CNTNAP2: variants seen among roughly 807,000 people sequenced by gnomAD.
CNTNAP2 encodes the protein contactin-associated protein-like 2.
In CNTNAP2, 98 loss-of-function variants were observed where a neutral mutation model predicts 155.2. That is an observed-to-expected ratio of 0.63 (90% CI 0.54 to 0.75). The LOEUF (loss-of-function observed/expected upper bound fraction) is 0.75, where lower values mean the gene tolerates loss of function less well. CNTNAP2 is among the 30% of genes least tolerant of loss of function. The pLI, the probability that CNTNAP2 is intolerant of heterozygous loss-of-function variation, is 0.00. For synonymous variants in CNTNAP2, 651 were observed against 631.2 expected, an observed-to-expected ratio of 1.03 and a Z score of -0.47; for missense variants, 1,727 against 1,688.1, an observed-to-expected ratio of 1.02 and a Z score of -0.40.
rs75635686 is a variant in CNTNAP2 at position 147,859,310 on chromosome 7, G to A, written c.2099-44255G>A. On this transcript the variant is annotated intron_variant, in intron 13 of 23. Coordinates refer to ENST00000361727, the MANE Select transcript of CNTNAP2 (RefSeq NM_014141.6). The stretch of plus-strand genomic sequence containing the variant: ...CATCTGTTATGTTACATAGTAATTT[G>A]TCATCTCATGAGATCACCAAGGAGA... Among the ~76,000 whole-genome samples the A allele has an allele frequency of 3.3e-5, 5 of 151,264 alleles. No homozygotes were observed. The East Asian group carries it at 9.9e-4, about 30-fold the overall frequency.
chr7:146,670,764 G>C (rs1391812476), intron 1 of CNTNAP2, among the ~76,000 whole-genome samples: 2 of 152,078 alleles, frequency 1.3e-5, no homozygotes, highest in East Asian at 3.9e-4. Flanking sequence ...CACAGCCAAG[G>C]GAAGGACTGG....
intron 1 of CNTNAP2, among the ~76,000 whole-genome samples, chr7:146,331,233 A>G (rs1055918877): frequency 4.7e-5 from 7 of 150,366 alleles, no homozygotes; most frequent in East Asian, 2.0e-4. Flanking sequence ...GAACCCGGGA[A>G]GCGGAGCTTG....
chr7:147,343,473 G>A (rs1162598965), intron 9 of CNTNAP2, among the ~76,000 whole-genome samples: 2 of 152,024 alleles, frequency 1.3e-5, no homozygotes, highest in African/African-American at 2.4e-5. Context: ...CTATCTTGGA[G>A]CCTCATTTTA....
intron 12 of CNTNAP2, among the ~76,000 whole-genome samples, chr7:147,575,829 A>G (rs2116817531): frequency 6.6e-6 from 1 of 152,102 alleles, no homozygotes; most frequent in South Asian, 2.1e-4. Context: ...AGGTAATATG[A>G]TAAATTCTTT....
At chr7:147,973,844 C>T (rs1430474043) in intron 14 of CNTNAP2, among the ~76,000 whole-genome samples, 3 of 152,108 alleles carry the variant, frequency 2.0e-5, no homozygotes, top group Non-Finnish European at 4.4e-5. Context: ...CTTTGTCTAG[C>T]TAAATTCTCT....
At chr7:146,746,967 G>A (rs1563214297) in intron 1 of CNTNAP2, among the ~76,000 whole-genome samples, 1 of 152,024 alleles carries the variant, frequency 6.6e-6, no homozygotes, top group Non-Finnish European at 1.5e-5. Context: ...ATAATCCCCA[G>A]AATTGAATTT....
intron 8 of CNTNAP2, among the ~76,000 whole-genome samples, chr7:147,193,105 T>G (rs993216390): frequency 2.6e-5 from 4 of 152,198 alleles, no homozygotes; most frequent in Non-Finnish European, 4.4e-5. Flanking sequence ...CACAATAATA[T>G]TAGTAGTTAA....
At chr7:148,118,377 C>G in intron 16 of CNTNAP2, 89 bp downstream of exon 16, 2 of 1,400,306 alleles carry the variant, frequency 1.4e-6, no homozygotes, top group East Asian at 4.7e-5. Flanking sequence ...CCTTTTGATT[C>G]AAACGTGGAA....
At chr7:147,991,244 A>G (rs1480934926) in intron 15 of CNTNAP2, among the ~76,000 whole-genome samples, 1 of 152,212 alleles carries the variant, frequency 6.6e-6, no homozygotes, top group Non-Finnish European at 1.5e-5. Context: ...AGTCTGTATC[A>G]TGGTGCCAAG....
chr7:146,485,476 G>T (rs965416127), intron 1 of CNTNAP2, among the ~76,000 whole-genome samples: 2 of 152,170 alleles, frequency 1.3e-5, no homozygotes, highest in African/African-American at 4.8e-5. Context: ...CCTACCAGTG[G>T]TAAGTGGTAG....
intron 1 of CNTNAP2, among the ~76,000 whole-genome samples, chr7:146,753,336 T>C (rs1259047233): frequency 6.6e-6 from 1 of 152,094 alleles, no homozygotes; most frequent in Non-Finnish European, 1.5e-5. Flanking sequence ...AAACATATTA[T>C]TGATCTTTTA....
At chr7:146,882,604 G>C (rs890914782) in intron 3 of CNTNAP2, among the ~76,000 whole-genome samples, 13 of 152,038 alleles carry the variant, frequency 8.6e-5, no homozygotes, top group Admixed American at 7.9e-4. Flanking sequence ...GGCCTCCCCA[G>C]CCATGCAGAA....
chr7:147,175,463 G>A (rs756078607), intron 8 of CNTNAP2, among the ~76,000 whole-genome samples: 8 of 152,012 alleles, frequency 5.3e-5, no homozygotes, highest in Non-Finnish European at 1.2e-4. Context: ...CAAACTATAT[G>A]TACATTTCTT....
intron 10 of CNTNAP2, among the ~76,000 whole-genome samples, chr7:147,407,467 C>CAAAAAAAA (rs768738493): frequency 1.5e-4 from 10 of 64,902 alleles, no homozygotes; most frequent in South Asian, 7.4e-4. Flanking sequence ...GACTCCCTCT[C>CAAAAAAAA]AAAAAAAAAA....
chr7:147,445,746 G>T (rs961364575), intron 10 of CNTNAP2, among the ~76,000 whole-genome samples: 3 of 152,036 alleles, frequency 2.0e-5, no homozygotes, highest in Admixed American at 6.6e-5. Context: ...AGCTGCATTA[G>T]TCTATCTATG....
chr7:148,231,277 T>C (rs1795955931), intron 20 of CNTNAP2, among the ~76,000 whole-genome samples: 1 of 152,012 alleles, frequency 6.6e-6, no homozygotes, highest in Non-Finnish European at 1.5e-5. Context: ...AAGCCAGAGA[T>C]ATAGACAGTG....
chr7:148,259,888 T>C (rs1796526793), intron 20 of CNTNAP2, among the ~76,000 whole-genome samples: 1 of 152,238 alleles, frequency 6.6e-6, no homozygotes, highest in South Asian at 2.1e-4. Flanking sequence ...CTCAAGGTTG[T>C]CCTGGGGTAC....
chr7:146,486,265 C>A (rs1052227009), intron 1 of CNTNAP2, among the ~76,000 whole-genome samples: 2 of 151,666 alleles, frequency 1.3e-5, no homozygotes, highest in Admixed American at 1.3e-4. Context: ...GGGGTTTCAC[C>A]GTGTTAGCCA....
intron 1 of CNTNAP2, among the ~76,000 whole-genome samples, chr7:146,680,684 C>T (rs1800486607): frequency 6.6e-6 from 1 of 152,152 alleles, no homozygotes; most frequent in South Asian, 2.1e-4. Flanking sequence ...TACGTGTGTT[C>T]TGAAATAAAA....
Sources: allele counts gnomAD v4.1 joint callset (sites outside exome capture counted in the v4.1 genomes callset), GRCh38; gene constraint gnomAD v4.1.1; transcripts MANE v1.5; gene names NCBI Gene and HGNC (gene_info 2026-07-23, HGNC 2026-07-21).